Variants in PLEC observed in about 807,000 individuals in gnomAD.
The protein encoded by PLEC is hemidesmosomal protein 1.
PLEC carries 216 observed loss-of-function variants against 392.8 expected under a neutral mutation model. The ratio of observed to expected loss-of-function variants is 0.55; its 90% confidence interval spans 0.49 to 0.62. PLEC has a LOEUF of 0.62. Among genes scored for constraint, PLEC ranks in the 20% least tolerant of loss-of-function variants. The pLI is 0.00. For missense variants in PLEC, 6,863 were observed against 6,563.4 expected, an observed-to-expected ratio of 1.05 and a Z score of -1.58; for synonymous variants, 3,621 against 2,980.6, an observed-to-expected ratio of 1.21 and a Z score of -7.00.
In PLEC at chr8:143,916,465, G is replaced by A. The variant is rs781953314; in HGVS notation, c.13356C>T (p.Arg4452=). ...GCCCCGTGCCCTCCTCCACCATGCT[G>A]CGGTCCAGCGCGTCCTTATAGGAGA... is the stretch of plus-strand genomic sequence containing the variant. The part of the protein sequence containing the change: ...LKISYKDALD[R]SMVEEGTGLR... Residue 4452 remains arginine (R), a synonymous_variant, in exon 32 of 32, where the codon CGC becomes CGT. Transcript: ENST00000345136. The A allele has an allele frequency of 3.7e-6, 6 of 1,611,022 alleles. No individual in the cohort carries two copies. Among genetic ancestry groups the A allele is most frequent in the Non-Finnish European group, 5.1e-6 (6 of 1,179,196 alleles).
chr8:143,923,298 G>A lies in PLEC; in HGVS notation c.6631C>T (p.Arg2211Trp), dbSNP rs377753306. ...QKNLLDEELQRLKAEATEAAR... is the reference protein window; with the variant it reads ...QKNLLDEELQWLKAEATEAAR... ...GCCTCCGTGGCCTCCGCCTTCAGCC[G>A]CTGCAGCTCCTCGTCCAGCAGGTTC... is the stretch of plus-strand genomic sequence containing the variant. The change falls in exon 31 of 32, where the codon CGG (arginine) becomes TGG (tryptophan). Residue 2211 changes from arginine (R) to tryptophan (W), a missense_variant. Physicochemically the swap from Arg to Trp is moderately radical, Grantham distance 101 (BLOSUM62 -3). Transcript: ENST00000345136. 2.9e-5 allele frequency: 46 copies of A among 1,608,618 alleles called. No individual in the cohort carries two copies. Among genetic ancestry groups the A allele is most frequent in the Non-Finnish European group, 3.6e-5 (43 of 1,179,668 alleles).
Position 143,973,468 on chromosome 8 carries a change from G to A in PLEC, c.5C>T (p.Ala2Val), listed in dbSNP as rs1199632387. Reference sequence around the variant, plus strand: ...GTCCTGCTCGTCGGGCAGCGGGCCGGCCATGCCGGCGGGCGCGGGGCGCGG... The same window carrying A: ...GTCCTGCTCGTCGGGCAGCGGGCCGACCATGCCGGCGGGCGCGGGGCGCGG... Residue 2 changes from alanine (A) to valine (V), a missense_variant, in exon 1 of 32, where the codon GCC becomes GTC. Ala to Val is a moderately conservative substitution (Grantham distance 64). Transcript: ENST00000356346. This position sits in a 1 kb window ranked among gnomAD's most constrained non-coding sequence, Gnocchi z 5.6. 2.6e-6 allele frequency: 4 copies of A among 1,510,994 alleles called. No individual in the cohort carries two copies. The highest frequency in any genetic ancestry group is 5.6e-5 in the East Asian group (2 of 36,004). The allele number at this position is 1,510,994 out of a possible 1,614,324, so 93.6% of individuals were successfully genotyped here.
chr8:143,920,628 C>T lies in PLEC; in HGVS notation c.9193G>A (p.Gly3065Arg), dbSNP rs782159227. The part of the protein sequence containing the change: ...VALLEAQAGT[G>R]HIIDPATSAR... The stretch of plus-strand genomic sequence containing the variant: ...CTGGTGGCGGGGTCGATGATGTGCC[C>T]GGTGCCGGCCTGGGCTTCCAACAGG... Residue 3065 changes from glycine to arginine, a missense_variant, in exon 32 of 32, where the codon GGG becomes AGG. Physicochemically the swap from Gly to Arg is moderately radical, Grantham distance 125. Transcript: ENST00000345136. 1.1e-5 allele frequency: 17 copies of T among 1,606,540 alleles called. No individual in the cohort carries two copies. Among genetic ancestry groups the T allele is most frequent in the Admixed American group, 3.3e-5 (2 of 59,996 alleles).
chr8:143,919,910 G>T lies in PLEC; in HGVS notation c.9911C>A (p.Ser3304Tyr). The T allele has an allele frequency of 6.2e-7, 1 of 1,613,118 alleles. No homozygotes were observed. ...EVETLRQERL[S>Y]FSGLRAPVPA... is the part of the protein sequence containing the mutation. Reference sequence around the variant, plus strand: ...CACAGGGGCACGGAGGCCGCTGAAGGACAGCCTCTCCTGCCGCAGGGTCTC... The same window carrying T: ...CACAGGGGCACGGAGGCCGCTGAAGTACAGCCTCTCCTGCCGCAGGGTCTC... Residue 3304 changes from serine to tyrosine, a missense_variant, in exon 32 of 32, where the codon TCC (serine) becomes TAC (tyrosine). Physicochemically the swap from Ser to Tyr is moderately radical, Grantham distance 144 (BLOSUM62 -2). Transcript: ENST00000345136.
chr8:143,930,176 C>T lies in PLEC; in HGVS notation c.2580G>A (p.Pro860=), dbSNP rs782468518. ...CGGCCTCCTGGGCCTCCTGGTTGGG[C>T]GGGGGCACCAGGAAGCACACGGAGG... ...AVPSVCFLVP[P]PNQEAQEAVT... Residue 860 remains proline (P), a synonymous_variant, in exon 21 of 32, where the codon CCG becomes CCA. Transcript: ENST00000345136. The T allele has an allele frequency of 4.0e-5, 63 of 1,580,810 alleles. No individual in the cohort carries two copies. Among genetic ancestry groups the T allele is most frequent in the Non-Finnish European group, 4.9e-5 (57 of 1,169,554 alleles).
At chr8:143,941,733 C>T (rs1554728828), upstream of PLEC, among the ~76,000 whole-genome samples, 1 of 151,712 alleles carries the variant, frequency 6.6e-6, no homozygotes, top group Non-Finnish European at 1.5e-5. Flanking sequence ...ACACACCCGC[C>T]CCACCCAGCC....
upstream of PLEC, chr8:143,953,834 T>G: frequency 6.2e-7 from 1 of 1,602,326 alleles, no homozygotes; most frequent in Non-Finnish European, 8.5e-7. Flanking sequence ...CGCACCGCAC[T>G]GCCCAGGCCA....
Position 143,920,844 on chromosome 8 carries a change from C to T in PLEC, c.8977G>A (p.Asp2993Asn), listed in dbSNP as rs372847372. The part of the protein sequence containing the change: ...AAELLESRVI[D>N]RELYQQLQRG... Reference sequence around the variant, plus strand: ...TGCAGCTGCTGGTAGAGCTCGCGGTCGATGACCCTGCTCTCCAGCAGCTCG... The same window carrying T: ...TGCAGCTGCTGGTAGAGCTCGCGGTTGATGACCCTGCTCTCCAGCAGCTCG... Residue 2993 changes from aspartate to asparagine, a missense_variant, in exon 32 of 32, where the codon GAC (aspartate) becomes AAC (asparagine). Physicochemically the swap from Asp to Asn is conservative, Grantham distance 23. Coordinates refer to ENST00000345136, the MANE Select transcript of PLEC (RefSeq NM_201384.3). The T allele has an allele frequency of 7.6e-5, 122 of 1,609,112 alleles. 2 individuals are homozygous for T. In the South Asian group the frequency reaches 9.6e-4, roughly 13 times the overall value.
chr8:143,950,996 C>T, upstream of PLEC: 1 of 534,552 alleles, frequency 1.9e-6, no homozygotes. Context: ...GCGGCCCCTC[C>T]CACCCACAGC....
At chr8:143,931,713 C>G in intron 18 of PLEC, 54 bp from the exon 19 acceptor site, 2 of 1,570,594 alleles carry the variant, frequency 1.3e-6, no homozygotes, top group Non-Finnish European at 1.7e-6. Flanking sequence ...AGCCCCAGCC[C>G]ACAGTTGTCC....
At chr8:143,925,908 AGAG>A in intron 30 of PLEC, 24 bp from the exon 31 acceptor site, 1 of 1,535,102 alleles carries the variant, frequency 6.5e-7, no homozygotes, top group Non-Finnish European at 8.7e-7. Context: ...AGAGAGAAGA[AGAG>A]AAGCAGAGAG....
chr8:143,924,163 C>T lies in PLEC; in HGVS notation c.5766G>A (p.Gln1922=), dbSNP rs932438667. 1.9e-6 allele frequency: 3 copies of T among 1,599,070 alleles called. No homozygotes were observed. Among genetic ancestry groups the T allele is most frequent in the Admixed American group, 1.7e-5 (1 of 59,988 alleles). ...LVEDTLRQRR[Q]VEEEILALKA... ...TCAGCGCCAGGATCTCCTCCTCCAC[C>T]TGCCGCCGCTGCCTCAGCGTGTCCT... The change falls in exon 31 of 32, where the codon CAG becomes CAA. Residue 1922 remains glutamine (Q), a synonymous_variant. Transcript: ENST00000345136.
upstream of PLEC, among the ~76,000 whole-genome samples, chr8:143,952,181 A>AACACACACAC (rs66992958): frequency 3.5e-3 from 489 of 140,306 alleles, no homozygotes; most frequent in Admixed American, 8.5e-3. Context: ...GCAGGCTCCA[A>AACACACACAC]ACACACACAC....
intron 13 of PLEC, 24 bp from the exon 14 acceptor site, chr8:143,933,135 A>G: frequency 7.2e-7 from 1 of 1,383,770 alleles, no homozygotes; most frequent in South Asian, 1.1e-5. Flanking sequence ...GGACTCAGGT[A>G]GGTGTTGGCG....
At chr8:143,929,001 C>T (rs1554710033) in intron 25 of PLEC, 102 bp downstream of exon 25, 15 of 1,074,370 alleles carry the variant, frequency 1.4e-5, no homozygotes, top group Admixed American at 6.0e-5. Context: ...CTCTGAACAG[C>T]CCCCAACTCG....
At chr8:143,944,630 C>T (rs1831163373) in intron 1 of PLEC, 1 of 1,342,196 alleles carries the variant, frequency 7.5e-7, no homozygotes, top group Non-Finnish European at 9.7e-7. Context: ...ACAAGGCTTT[C>T]AAGGGCTGCC....
At position 143,931,618 on chromosome 8, in the gene PLEC, C is replaced by G; in HGVS notation, c.2220G>C (p.Lys740Asn). Residue 740 changes from lysine to asparagine, a missense_variant, in exon 19 of 32, where the codon AAG becomes AAC. Coordinates refer to ENST00000345136, the MANE Select transcript of PLEC (RefSeq NM_201384.3). ...ATTTCCTACGCAGTGCCTCCTGCAG[C>G]TTCTGCAACTGCCCCTCGGCCTCCC... is the stretch of plus-strand genomic sequence containing the variant. ...DVREAEGQLQ[K>N]LQEALRRKYS... The G allele has an allele frequency of 6.2e-7, 1 of 1,601,276 alleles. No homozygotes were observed. The highest frequency in any genetic ancestry group is 1.3e-5 in the African/African-American group (1 of 74,894).
In PLEC at chr8:143,920,129, C is replaced by T. The variant is rs377610697; in HGVS notation, c.9692G>A (p.Arg3231His). The T allele has an allele frequency of 1.3e-4, 210 of 1,612,784 alleles. No homozygotes were observed. The highest frequency in any genetic ancestry group is 1.1e-4 in the East Asian group (5 of 44,902). Residue 3231 changes from arginine to histidine, a missense_variant, in exon 32 of 32, where the codon CGT becomes CAT. Coordinates refer to ENST00000345136, the MANE Select transcript of PLEC (RefSeq NM_201384.3). Reference sequence around the variant, plus strand: ...AACCGGGGTCTTTTCAAAGGTCTCACGGGCCTGCAGCTCTGAGTAGAGCTC... The same window carrying T: ...AACCGGGGTCTTTTCAAAGGTCTCATGGGCCTGCAGCTCTGAGTAGAGCTC... ...QEELYSELQA[R>H]ETFEKTPVEV...
intron 1 of PLEC, among the ~76,000 whole-genome samples, chr8:143,962,564 C>G (rs1294739880): frequency 7.2e-5 from 11 of 152,198 alleles, no homozygotes; most frequent in Admixed American, 7.2e-4. Flanking sequence ...GCTGGGACAT[C>G]TTGAGGCACA....
Sources: gnomAD v4.1 joint callset for allele counts (sites outside exome capture counted in the v4.1 genomes callset) on GRCh38, gnomAD v4.1.1 for gene constraint, Gnocchi (gnomAD v3.1) non-coding constraint, MANE v1.5 for transcripts, NCBI Gene and HGNC (gene_info 2026-07-23, HGNC 2026-07-21) for gene names.